NIBAN1: variants seen among roughly 807,000 people sequenced by gnomAD.
NIBAN1 encodes niban apoptosis regulator 1.
NIBAN1 carries 81 observed loss-of-function variants against 75.1 expected under a neutral mutation model. The ratio of observed to expected loss-of-function variants is 1.08; its 90% confidence interval spans 0.90 to 1.30. NIBAN1 has a LOEUF of 1.30. NIBAN1 is among the 50% of genes most tolerant of loss of function. The probability of loss-of-function intolerance (pLI) is 0.00; values close to 1 mark genes in which losing one functional copy is unlikely to be tolerated. For synonymous variants in NIBAN1, 436 were observed against 424.8 expected (o/e 1.03, Z -0.32); for missense variants, 1,133 against 1,128.1 (o/e 1.00, Z -0.06).
At chr1:184,964,871 T>A (rs1658740872) in intron 1 of NIBAN1, among the ~76,000 whole-genome samples, 1 of 152,220 alleles carries the variant, frequency 6.6e-6, no homozygotes, top group Non-Finnish European at 1.5e-5. Context: ...ATTCTATTTC[T>A]CATTGAATTT....
chr1:184,872,625 T>G (rs1337475545), intron 5 of NIBAN1, among the ~76,000 whole-genome samples: 3 of 152,116 alleles, frequency 2.0e-5, no homozygotes, highest in Non-Finnish European at 4.4e-5. Context: ...GAGAATCGCT[T>G]GAACCCAGGA....
intron 1 of NIBAN1, among the ~76,000 whole-genome samples, chr1:184,967,737 G>T (rs540421614): frequency 1.3e-5 from 2 of 152,316 alleles, no homozygotes; most frequent in East Asian, 3.9e-4. Flanking sequence ...ATAGTAAAAA[G>T]AAGTTTTTCA....
intron 5 of NIBAN1, among the ~76,000 whole-genome samples, chr1:184,838,547 C>T (rs531668001): frequency 6.6e-6 from 1 of 152,320 alleles, no homozygotes; most frequent in East Asian, 1.9e-4. Flanking sequence ...TCTCTACTTC[C>T]TCATTCATGC....
chr1:184,851,840 CTTTTT>C (rs59746255), intron 5 of NIBAN1, among the ~76,000 whole-genome samples: 4 of 143,912 alleles, frequency 2.8e-5, no homozygotes, highest in African/African-American at 1.0e-4. Context: ...GATCTAACGA[CTTTTT>C]TTTTTTTTTT....
chr1:184,968,159 C>T lies in NIBAN1; in HGVS notation c.55+6143G>A, dbSNP rs1438397832. On this transcript the variant is annotated intron_variant, in intron 1 of 13. Transcript: ENST00000367511. ...CGGAGCTTGCAGTGAGCCGAGATTG[C>T]GCCACTGCAGTCCGCAGTCCGGCCT... Among the ~76,000 whole-genome samples the T allele has an allele frequency of 2.1e-5, 2 of 96,206 alleles. 1 individual carries two copies. Among genetic ancestry groups the T allele is most frequent in the East Asian group, 5.0e-4 (2 of 3,984 alleles). The allele number at this position is 96,206 out of a possible 152,430, so 63.1% of individuals were successfully genotyped here.
At chr1:184,887,692 C>A (rs964820637) in intron 4 of NIBAN1, 3 of 152,226 alleles carry the variant, frequency 2.0e-5, no homozygotes, top group African/African-American at 7.2e-5. Context: ...GAGCTTCAGA[C>A]AAATTTAGTC....
At chr1:184,912,610 G>C (rs1369055913) in intron 1 of NIBAN1, among the ~76,000 whole-genome samples, 2 of 151,988 alleles carry the variant, frequency 1.3e-5, no homozygotes, top group African/African-American at 2.4e-5. Context: ...ATATTTACTG[G>C]CCATTGCGGT....
chr1:184,877,428 A>G (rs192860981), intron 5 of NIBAN1, among the ~76,000 whole-genome samples: 2 of 152,262 alleles, frequency 1.3e-5, no homozygotes, highest in East Asian at 3.9e-4. Context: ...AACGTTCTTT[A>G]TACTCTATAC....
intron 5 of NIBAN1, among the ~76,000 whole-genome samples, chr1:184,874,689 A>T (rs1215660163): frequency 6.6e-6 from 1 of 152,140 alleles, no homozygotes; most frequent in African/African-American, 2.4e-5. Context: ...AAATAGTAAA[A>T]TCAGTCAATC....
In NIBAN1 at chr1:184,910,154, C is replaced by T. The variant is rs191746844; in HGVS notation, c.56-10845G>A. 2.0e-5 allele frequency among the ~76,000 whole-genome samples: 3 copies of T among 152,176 alleles called. No individual in the cohort carries two copies. In the East Asian group the frequency reaches 5.8e-4, roughly 29 times the overall value. On this transcript the variant is annotated intron_variant, in intron 1 of 13. Coordinates refer to ENST00000367511, the MANE Select transcript of NIBAN1 (RefSeq NM_052966.4). ...GTCTAGGCCTCATAGGTGAAATTCA[C>T]TTACTTCTAACTAGTCATTATACGC... is the stretch of plus-strand genomic sequence containing the variant.
intron 5 of NIBAN1, among the ~76,000 whole-genome samples, chr1:184,873,592 T>C (rs948097165): frequency 5.3e-5 from 8 of 152,208 alleles, no homozygotes; most frequent in African/African-American, 1.7e-4. Context: ...TATCTTCCAC[T>C]AGATTGCCCA....
chr1:184,810,516 T>G (rs987144000), intron 9 of NIBAN1, among the ~76,000 whole-genome samples: 1 of 152,198 alleles, frequency 6.6e-6, no homozygotes, highest in African/African-American at 2.4e-5. Context: ...GTGGATGAAC[T>G]GTAAGAGTCA....
At chr1:184,920,785 T>C (rs988932123) in intron 1 of NIBAN1, among the ~76,000 whole-genome samples, 11 of 152,052 alleles carry the variant, frequency 7.2e-5, no homozygotes, top group Non-Finnish European at 5.9e-5. Context: ...TACAAGAAAA[T>C]GGTAAACTCA....
At chr1:184,958,367 C>T (rs1658543029) in intron 1 of NIBAN1, among the ~76,000 whole-genome samples, 1 of 23,400 alleles carries the variant, frequency 4.3e-5, no homozygotes, top group Non-Finnish European at 2.1e-4. Flanking sequence ...AGAGGAGTCA[C>T]ACACACACAC....
intron 1 of NIBAN1, among the ~76,000 whole-genome samples, chr1:184,918,156 T>C (rs546971825): frequency 4.5e-4 from 69 of 152,302 alleles, no homozygotes; most frequent in African/African-American, 1.6e-3. Flanking sequence ...GTGCCTGCAG[T>C]AGAAACCTCA....
intron 11 of NIBAN1, 29 bp downstream of exon 11, chr1:184,805,917 G>A: frequency 1.9e-6 from 3 of 1,552,264 alleles, no homozygotes; most frequent in East Asian, 2.2e-5. Context: ...CTCTTTTTAT[G>A]CTTCCCACAA....
At chr1:184,812,065 A>C (rs568069981) in intron 9 of NIBAN1, among the ~76,000 whole-genome samples, 24 of 152,324 alleles carry the variant, frequency 1.6e-4, no homozygotes, top group Non-Finnish European at 2.6e-4. Context: ...AGAACTTTTC[A>C]GTGTCGCTGA....
At chr1:184,896,971 C>T (rs562480085) in intron 2 of NIBAN1, among the ~76,000 whole-genome samples, 3 of 152,120 alleles carry the variant, frequency 2.0e-5, no homozygotes, top group South Asian at 4.1e-4. Context: ...TGAAGTCAGG[C>T]AATGTGATGT....
At position 184,845,228 on chromosome 1, in the gene NIBAN1, T is replaced by C. The variant is rs546320068; in HGVS notation, c.602-13266A>G. Among the ~76,000 whole-genome samples, 3 of 152,156 alleles carry C rather than the reference T, an allele frequency of 2.0e-5. No individual in the cohort carries two copies. The South Asian group carries it at 6.2e-4, about 31-fold the overall frequency. Reference sequence around the variant, plus strand: ...GATCCATTTAACAGAGCTTTACACTTAGGGTAAATAGGTGATTTCATTGTG... The same window carrying C: ...GATCCATTTAACAGAGCTTTACACTCAGGGTAAATAGGTGATTTCATTGTG... On this transcript the variant is annotated intron_variant, in intron 5 of 13. Transcript: ENST00000367511.
Sources: allele counts gnomAD v4.1 joint callset (sites outside exome capture counted in the v4.1 genomes callset), GRCh38; gene constraint gnomAD v4.1.1; transcripts MANE v1.5; gene names NCBI Gene and HGNC (gene_info 2026-07-23, HGNC 2026-07-21).